Variants in CCAR1 observed in about 807,000 individuals in gnomAD.
CCAR1 encodes cell division cycle and apoptosis regulator protein 1.
Under a neutral mutation model 163.8 loss-of-function variants are expected in CCAR1, and 78 were observed. That is an observed-to-expected ratio of 0.48 (90% CI 0.40 to 0.57). The LOEUF is 0.57. Ranked by LOEUF, CCAR1 falls within the 20% of genes least tolerant of loss-of-function variation. The probability of loss-of-function intolerance (pLI) is 0.00; values close to 1 mark genes in which losing one functional copy is unlikely to be tolerated. For missense variants in CCAR1, 1,019 were observed against 1,365.2 expected (o/e 0.75, Z 4.00); for synonymous variants, 443 against 460.7 (o/e 0.96, Z 0.49).
intron 2 of CCAR1, among the ~76,000 whole-genome samples, chr10:68,727,438 A>G (rs1292006962): frequency 1.3e-5 from 2 of 152,154 alleles, no homozygotes; most frequent in South Asian, 2.1e-4. Flanking sequence ...AGGAGGTCAT[A>G]GCAGAGTCAG....
rs777395335 is a variant in CCAR1 at position 68,761,047 on chromosome 10, G to C, written c.1961G>C (p.Ser654Thr). 1 of 1,517,578 alleles carries C rather than the reference G, an allele frequency of 6.6e-7. No individual in the cohort carries two copies. Among genetic ancestry groups the C allele is most frequent in the African/African-American group, 1.5e-5 (1 of 67,940 alleles). 94.0% of individuals were successfully genotyped at this position (1,517,578 alleles called of 1,614,324 possible). A position where few individuals can be genotyped will look rare whatever the true frequency, so the allele number is the denominator to read the frequency against. ...LRKELESRALSSKGLKSQLIA... is the reference protein window; with the variant it reads ...LRKELESRALTSKGLKSQLIA... ...AAAGAATTAGAAAGTCGAGCTCTTA[G>C]TTCCAAAGGATTAAAATCCCAGTTA... The change falls in exon 16 of 25, where the codon AGT becomes ACT. Residue 654 changes from serine to threonine, a missense_variant. Ser to Thr is a moderately conservative substitution (Grantham distance 58). Coordinates refer to ENST00000265872, the MANE Select transcript of CCAR1 (RefSeq NM_018237.4).
At chr10:68,748,210 G>C (rs1187534642) in intron 8 of CCAR1, among the ~76,000 whole-genome samples, 1 of 152,088 alleles carries the variant, frequency 6.6e-6, no homozygotes, top group African/African-American at 2.4e-5. Context: ...AGGCATGGTG[G>C]CTCACACCGT....
chr10:68,777,151 T>G (rs1347183232), intron 19 of CCAR1, among the ~76,000 whole-genome samples: 1 of 152,210 alleles, frequency 6.6e-6, no homozygotes, highest in Admixed American at 6.5e-5. Context: ...TTTTCATAAC[T>G]TATCCAGAAT....
At chr10:68,731,379 A>G (rs1207726741) in intron 2 of CCAR1, among the ~76,000 whole-genome samples, 1 of 152,202 alleles carries the variant, frequency 6.6e-6, no homozygotes, top group African/African-American at 2.4e-5. Context: ...AATGAAATAC[A>G]CTTCATTGAA....
At chr10:68,740,711 C>G (rs372762719) in intron 5 of CCAR1, 50 bp downstream of exon 5, 2 of 1,409,704 alleles carry the variant, frequency 1.4e-6, no homozygotes, top group Non-Finnish European at 2.0e-6. Flanking sequence ...GAACAGTAGA[C>G]TAAAGCTTTA....
intron 9 of CCAR1, 21 bp downstream of exon 9, chr10:68,749,286 T>C: frequency 6.3e-7 from 1 of 1,589,244 alleles, no homozygotes; most frequent in Non-Finnish European, 8.5e-7. Context: ...TAAAGTGTAC[T>C]GTGGATGGTG....
intron 2 of CCAR1, among the ~76,000 whole-genome samples, chr10:68,724,238 A>T (rs1295453116): frequency 1.3e-5 from 2 of 152,070 alleles, no homozygotes; most frequent in Non-Finnish European, 2.9e-5. Flanking sequence ...CAAGGTGGGC[A>T]GATCACCTGA....
intron 19 of CCAR1, among the ~76,000 whole-genome samples, chr10:68,781,404 G>C (rs535919554): frequency 1.3e-5 from 2 of 151,856 alleles, no homozygotes; most frequent in African/African-American, 4.8e-5. Context: ...TTAGCCGGGC[G>C]TGGTGGCGGG....
chr10:68,781,276 C>T (rs1000945377), intron 19 of CCAR1, among the ~76,000 whole-genome samples: 2 of 152,010 alleles, frequency 1.3e-5, no homozygotes, highest in East Asian at 1.9e-4. Flanking sequence ...GGTGCGGTGG[C>T]TCATACCTGT....
intron 23 of CCAR1, among the ~76,000 whole-genome samples, chr10:68,789,130 C>T (rs1029685355): frequency 6.4e-4 from 97 of 151,148 alleles, no homozygotes; most frequent in Non-Finnish European, 5.9e-5. Context: ...AGGATGGTCT[C>T]GATCTCCTGA....
intron 2 of CCAR1, among the ~76,000 whole-genome samples, chr10:68,725,210 G>C (rs181236927): frequency 5.3e-5 from 8 of 151,496 alleles, no homozygotes; most frequent in African/African-American, 1.9e-4. Context: ...AACAAGGCCC[G>C]GTGCAGCACT....
Position 68,791,744 on chromosome 10 carries a change from C to T in CCAR1, c.*478C>T, listed in dbSNP as rs557826479. 2 of 153,062 alleles carry T rather than the reference C, an allele frequency of 1.3e-5. No individual in the cohort carries two copies. The highest frequency in any genetic ancestry group is 4.1e-4 in the South Asian group (2 of 4,874). The allele number at this position is 153,062 out of a possible 1,614,324, so 9.5% of individuals were successfully genotyped here. On this transcript the variant is annotated 3_prime_UTR_variant, in exon 25 of 25. Coordinates refer to ENST00000265872, the MANE Select transcript of CCAR1 (RefSeq NM_018237.4). Reference sequence around the variant, plus strand: ...TTTTTTTACTCATCACCAAAAAATCCCCTCTTGATCAGTCTCTAAAAGCAT... The same window carrying T: ...TTTTTTTACTCATCACCAAAAAATCTCCTCTTGATCAGTCTCTAAAAGCAT...
At chr10:68,773,189 CAT>C in intron 19 of CCAR1, 90 bp downstream of exon 19, 1 of 679,292 alleles carries the variant, frequency 1.5e-6, no homozygotes, top group South Asian at 1.9e-5. Flanking sequence ...ATACTTTTAA[CAT>C]TTTTTTCTTT....
chr10:68,747,144 TC>T lies in CCAR1; in HGVS notation c.519-16del. 2 of 1,282,886 alleles carry T rather than the reference TC, an allele frequency of 1.6e-6. No homozygotes were observed. The highest frequency in any genetic ancestry group is 2.4e-5 in the East Asian group (1 of 42,182). 79.5% of individuals were successfully genotyped at this position (1,282,886 alleles called of 1,614,324 possible). A position where few individuals can be genotyped will look rare whatever the true frequency, so the allele number is the denominator to read the frequency against. ...TTGTATTTATATTTAACTTTTTTTTTCTTTTTTTTTTTACAGTGCTGTCAAA... is the reference window on the plus strand; with the variant it reads ...TTGTATTTATATTTAACTTTTTTTTTTTTTTTTTTTTACAGTGCTGTCAAA... On this transcript the variant is annotated splice_polypyrimidine_tract_variant and intron_variant, in intron 6 of 24. Coordinates refer to ENST00000265872, the MANE Select transcript of CCAR1 (RefSeq NM_018237.4).
chr10:68,754,677 A>T, intron 11 of CCAR1, 37 bp from the exon 12 acceptor site: 2 of 1,066,844 alleles, frequency 1.9e-6, no homozygotes, highest in Non-Finnish European at 2.9e-6. Context: ...ACATTACTTT[A>T]GACTTTTGAC....
In CCAR1 at chr10:68,765,997, G is replaced by A; in HGVS notation, c.2216G>A (p.Ser739Asn). The A allele has an allele frequency of 1.2e-6, 2 of 1,614,014 alleles. No homozygotes were observed. Among genetic ancestry groups the A allele is most frequent in the Non-Finnish European group, 1.7e-6 (2 of 1,179,904 alleles). Residue 739 changes from serine (S) to asparagine (N), a missense_variant, in exon 17 of 25, where the codon AGT (serine) becomes AAT (asparagine). Around this residue, in one of 4 missense-constraint regions of CCAR1, gnomAD observed 644 missense variants for 904.4 expected, o/e 0.71. Coordinates refer to ENST00000265872, the MANE Select transcript of CCAR1 (RefSeq NM_018237.4). ...IIVHPNWAAK[S>N]GKFDCSIMSL... is the part of the protein sequence containing the mutation. The stretch of plus-strand genomic sequence containing the variant: ...GTACATCCAAATTGGGCTGCAAAAA[G>A]TGGCAAGTTTGATTGTAGCATCATG...
chr10:68,761,954 T>C (rs989069289), intron 16 of CCAR1, among the ~76,000 whole-genome samples: 6 of 152,160 alleles, frequency 3.9e-5, no homozygotes, highest in African/African-American at 1.4e-4. Context: ...TTCAACCTTT[T>C]TTGTGAACAG....
In CCAR1 at chr10:68,744,420, T is replaced by A. The variant is rs78899332; in HGVS notation, c.518+1851T>A. Among the ~76,000 whole-genome samples, 1,204 of 152,198 alleles carry A rather than the reference T, an allele frequency of 7.9e-3. 10 individuals carry two copies. Among genetic ancestry groups the A allele is most frequent in the South Asian group, 0.043 (207 of 4,824 alleles). ...TAGGTGGATGGCTTGAGGCTAGGAG[T>A]TCCAGACCAGCCTGGGCAACATAAT... On this transcript the variant is annotated intron_variant, in intron 6 of 24. Coordinates refer to ENST00000265872, the MANE Select transcript of CCAR1 (RefSeq NM_018237.4).
chr10:68,757,158 C>G, intron 14 of CCAR1, 136 bp from the exon 15 acceptor site: 1 of 563,378 alleles, frequency 1.8e-6, no homozygotes. Context: ...CGTGGACTTG[C>G]CTAAATAATA....
Sources: gnomAD v4.1 joint callset for allele counts (sites outside exome capture counted in the v4.1 genomes callset) on GRCh38, gnomAD v4.1.1 for gene constraint, gnomAD v4.1.1 regional missense constraint, MANE v1.5 for transcripts, NCBI Gene and HGNC (gene_info 2026-07-23, HGNC 2026-07-21) for gene names.